CLVS1: variants seen among roughly 807,000 people sequenced by gnomAD.
CLVS1 encodes the protein clavesin-1.
CLVS1 carries 10 observed loss-of-function variants against 33.1 expected under a neutral mutation model. That is an observed-to-expected ratio of 0.30 (90% confidence interval 0.19 to 0.51). The LOEUF (loss-of-function observed/expected upper bound fraction) is 0.51, where lower values mean the gene tolerates loss of function less well. Ranked by LOEUF, CLVS1 falls within the 20% of genes least tolerant of loss-of-function variation. The pLI, the probability that CLVS1 is intolerant of heterozygous loss-of-function variation, is 0.97. For synonymous variants in CLVS1, 163 were observed against 166.1 expected (o/e 0.98, Z 0.14); for missense variants, 343 against 433.4 (o/e 0.79, Z 1.85).
At chr8:61,287,728 TAC>T (rs371711319), upstream of CLVS1, among the ~76,000 whole-genome samples, 10 of 151,750 alleles carry the variant, frequency 6.6e-5, no homozygotes, top group Non-Finnish European at 8.8e-5. Context: ...CTGTCAAATT[TAC>T]ACACACACAC....
intron 5 of CLVS1, among the ~76,000 whole-genome samples, chr8:61,473,368 C>G (rs1318000440): frequency 7.1e-6 from 1 of 141,150 alleles, no homozygotes; most frequent in African/African-American, 2.6e-5. Flanking sequence ...AAAAAAAGAC[C>G]AGAAACATTG....
At chr8:61,397,675 T>G in intron 3 of CLVS1, among the ~76,000 whole-genome samples, 1 of 152,142 alleles carries the variant, frequency 6.6e-6, no homozygotes, top group Non-Finnish European at 1.5e-5. Context: ...TGAGATGACT[T>G]TTGTGTATGG....
At chr8:61,023,792 CAG>C in the CLVS1 span, among the ~76,000 whole-genome samples, 1 of 152,100 alleles carries the variant, frequency 6.6e-6, no homozygotes, top group Non-Finnish European at 1.5e-5. Flanking sequence ...CTGAAAACAT[CAG>C]AGACAGGACA....
intron 2 of CLVS1, among the ~76,000 whole-genome samples, chr8:61,330,799 G>A (rs374292527): frequency 1.9e-4 from 29 of 152,116 alleles, no homozygotes; most frequent in African/African-American, 5.1e-4. Flanking sequence ...AAAACATTGT[G>A]TGGTGCTGGA....
intron 5 of CLVS1, among the ~76,000 whole-genome samples, chr8:61,466,591 G>T (rs892288528): frequency 7.9e-5 from 12 of 152,080 alleles, no homozygotes; most frequent in African/African-American, 2.9e-4. Context: ...ATTACTTTCT[G>T]GTTCTTGCCT....
chr8:61,125,887 A>T (rs1243353076), intron 1 of CLVS1, among the ~76,000 whole-genome samples: 2 of 152,236 alleles, frequency 1.3e-5, no homozygotes, highest in African/African-American at 4.8e-5. Context: ...AAATGCTCTT[A>T]ATTCATATTA....
Position 61,454,671 on chromosome 8 carries a change from G to A in CLVS1, c.741+420G>A, listed in dbSNP as rs373429802. ...CCTCCCATAACTTTGGGTGATAACT[G>A]CTAACTGCATCACCTGTAAAGCTGG... On this transcript the variant is annotated intron_variant, in intron 4 of 5. Coordinates refer to ENST00000325897, the MANE Select transcript of CLVS1 (RefSeq NM_173519.3). Among the ~76,000 whole-genome samples the A allele has an allele frequency of 6.6e-5, 10 of 152,326 alleles. No homozygotes were observed. In the East Asian group the frequency reaches 7.7e-4, roughly 12 times the overall value.
At chr8:61,140,390 G>C (rs987299960) in intron 2 of CLVS1, among the ~76,000 whole-genome samples, 4 of 152,156 alleles carry the variant, frequency 2.6e-5, no homozygotes, top group African/African-American at 9.7e-5. Flanking sequence ...TCCGCTAAGA[G>C]ATTTGGAGTG....
chr8:61,466,392 T>C (rs1817547660), intron 5 of CLVS1, among the ~76,000 whole-genome samples: 1 of 152,250 alleles, frequency 6.6e-6, no homozygotes, highest in East Asian at 1.9e-4. Context: ...GAGATCATAA[T>C]GCCTAAATGA....
chr8:61,073,078 G>A (rs895597461), intron 1 of CLVS1, among the ~76,000 whole-genome samples: 1 of 152,048 alleles, frequency 6.6e-6, no homozygotes, highest in African/African-American at 2.4e-5. Context: ...GTATAGTGTT[G>A]GGTTTCAATT....
At chr8:61,334,682 A>G (rs1266061051) in intron 2 of CLVS1, among the ~76,000 whole-genome samples, 1 of 152,132 alleles carries the variant, frequency 6.6e-6, no homozygotes, top group Non-Finnish European at 1.5e-5. Flanking sequence ...CCATGGTGAT[A>G]CAGAGGAGAG....
chr8:61,340,596 G>T (rs1357066710), intron 2 of CLVS1, among the ~76,000 whole-genome samples: 3 of 152,058 alleles, frequency 2.0e-5, no homozygotes, highest in African/African-American at 7.2e-5. Flanking sequence ...ATTGATGGAC[G>T]CAAGTTGATT....
chr8:61,389,143 C>T (rs1032459393), intron 3 of CLVS1, among the ~76,000 whole-genome samples: 1 of 152,180 alleles, frequency 6.6e-6, no homozygotes, highest in Non-Finnish European at 1.5e-5. Context: ...ACACATAATT[C>T]TTGCTGATTT....
intron 2 of CLVS1, among the ~76,000 whole-genome samples, chr8:61,238,685 C>A (rs906206712): frequency 6.6e-6 from 1 of 152,272 alleles, no homozygotes; most frequent in African/African-American, 2.4e-5. Flanking sequence ...TTGGTTTGAA[C>A]AAAATTTTTT....
At chr8:61,346,817 A>G (rs1347940317) in intron 2 of CLVS1, among the ~76,000 whole-genome samples, 1 of 152,186 alleles carries the variant, frequency 6.6e-6, no homozygotes, top group Non-Finnish European at 1.5e-5. Context: ...CACAAATGTG[A>G]TCAATGTTCA....
At chr8:61,139,202 G>T (rs908924666) in intron 2 of CLVS1, among the ~76,000 whole-genome samples, 2 of 152,082 alleles carry the variant, frequency 1.3e-5, no homozygotes, top group African/African-American at 4.8e-5. Context: ...GGCGCCGGCT[G>T]CCAGCAGAGG....
At chr8:61,355,568 C>T (rs1455315877) in intron 2 of CLVS1, among the ~76,000 whole-genome samples, 1 of 152,088 alleles carries the variant, frequency 6.6e-6, no homozygotes, top group Non-Finnish European at 1.5e-5. Flanking sequence ...TCCCCTCTTC[C>T]CCCACCCCAC....
At chr8:61,027,057 G>T in the CLVS1 span, among the ~76,000 whole-genome samples, 4 of 152,204 alleles carry the variant, frequency 2.6e-5, no homozygotes, top group African/African-American at 9.7e-5. Flanking sequence ...CATGGTGACA[G>T]ACTTAAGTAA....
At chr8:61,035,712 A>G in the CLVS1 span, among the ~76,000 whole-genome samples, 2 of 152,188 alleles carry the variant, frequency 1.3e-5, no homozygotes, top group Non-Finnish European at 1.5e-5. Context: ...TTTAAAGAAG[A>G]AAGACCAGGC....
Sources: gnomAD v4.1 joint callset for allele counts (sites outside exome capture counted in the v4.1 genomes callset) on GRCh38, gnomAD v4.1.1 for gene constraint, MANE v1.5 for transcripts, NCBI Gene and HGNC (gene_info 2026-07-23, HGNC 2026-07-21) for gene names.